Variants in ARHGEF33 observed in about 807,000 individuals in gnomAD.
The protein encoded by ARHGEF33 is Rho guanine nucleotide exchange factor 33.
Under a neutral mutation model 101.9 loss-of-function variants are expected in ARHGEF33, and 72 were observed. That is an observed-to-expected ratio of 0.71 (90% confidence interval 0.58 to 0.86). ARHGEF33 has a LOEUF of 0.86. Among genes scored for constraint, ARHGEF33 ranks in the 40% least tolerant of loss-of-function variants. The pLI, the probability that ARHGEF33 is intolerant of heterozygous loss-of-function variation, is 0.00. For missense variants in ARHGEF33, 1,169 were observed against 1,111.3 expected, an observed-to-expected ratio of 1.05 and a Z score of -0.74; for synonymous variants, 499 against 442.5, an observed-to-expected ratio of 1.13 and a Z score of -1.60.
intron 4 of ARHGEF33, among the ~76,000 whole-genome samples, chr2:38,922,172 T>A (rs549999366): frequency 6.6e-6 from 1 of 152,270 alleles, no homozygotes; most frequent in Admixed American, 6.5e-5. Flanking sequence ...ATTTGTAATA[T>A]AAAAGCAGCT....
intron 1 of ARHGEF33, among the ~76,000 whole-genome samples, chr2:38,894,427 A>AG (rs1022676753): frequency 1.3e-5 from 2 of 151,476 alleles, no homozygotes; most frequent in Non-Finnish European, 2.9e-5. Context: ...CTGGGGGAAA[A>AG]AAAAAAAGAA....
At chr2:38,932,945 G>A (rs560033736) in intron 7 of ARHGEF33, among the ~76,000 whole-genome samples, 5 of 152,290 alleles carry the variant, frequency 3.3e-5, no homozygotes, top group African/African-American at 4.8e-5. Flanking sequence ...AAGACATTCT[G>A]CACATACTTG....
At chr2:38,896,221 C>A (rs924090792) in intron 2 of ARHGEF33, among the ~76,000 whole-genome samples, 1 of 152,166 alleles carries the variant, frequency 6.6e-6, no homozygotes, top group Non-Finnish European at 1.5e-5. Flanking sequence ...TCACTGCAAC[C>A]TCTGCCTTCC....
intron 2 of ARHGEF33, among the ~76,000 whole-genome samples, chr2:38,918,077 G>A (rs183438648): frequency 6.6e-6 from 1 of 152,316 alleles, no homozygotes; most frequent in East Asian, 1.9e-4. Flanking sequence ...AGAGGAATTT[G>A]TTGAAAGGAG....
intron 11 of ARHGEF33, 118 bp downstream of exon 11, chr2:38,951,239 C>A: frequency 2.1e-6 from 2 of 943,242 alleles, no homozygotes; most frequent in Non-Finnish European, 3.1e-6. Context: ...CCACTGAGAT[C>A]TAGTCTAACT....
At chr2:38,947,529 G>A (rs1404965438) in intron 10 of ARHGEF33, among the ~76,000 whole-genome samples, 1 of 152,190 alleles carries the variant, frequency 6.6e-6, no homozygotes, top group Non-Finnish European at 1.5e-5. Context: ...TGGGATTACA[G>A]GCATGAGCCA....
chr2:38,958,157 G>T lies in ARHGEF33; in HGVS notation c.1494G>T (p.Leu498=). The T allele has an allele frequency of 1.3e-6, 2 of 1,551,840 alleles. No homozygotes were observed. The highest frequency in any genetic ancestry group is 1.7e-6 in the Non-Finnish European group (2 of 1,147,038). ...CTGGGATCCACTCAGAAGAGTTGCT[G>T]CAACCCTACCCTTCTGCTCCCAGTT... ...RDTGIHSEEL[L]QPYPSAPSSG... The change falls in exon 15 of 18, where the codon CTG becomes CTT. Residue 498 remains leucine (L), a synonymous_variant. Coordinates refer to ENST00000409978, the MANE Select transcript of ARHGEF33 (RefSeq NM_001145451.5).
At chr2:38,968,635 T>C (rs1033855731) in intron 17 of ARHGEF33, among the ~76,000 whole-genome samples, 2 of 152,262 alleles carry the variant, frequency 1.3e-5, no homozygotes, top group African/African-American at 2.4e-5. Context: ...CTTAGTCCTC[T>C]TGTCCTTTCT....
chr2:38,890,614 C>T (rs1009039273), intron 1 of ARHGEF33, among the ~76,000 whole-genome samples: 2 of 152,050 alleles, frequency 1.3e-5, no homozygotes, highest in African/African-American at 2.4e-5. Context: ...GTGAGAATAG[C>T]GTTCTATTAT....
intron 17 of ARHGEF33, among the ~76,000 whole-genome samples, chr2:38,970,893 A>T (rs1277204796): frequency 6.6e-6 from 1 of 152,124 alleles, no homozygotes; most frequent in Non-Finnish European, 1.5e-5. Flanking sequence ...GTCCTTTCTC[A>T]TATATCAGTC....
At chr2:38,918,706 T>G (rs142701356) in intron 2 of ARHGEF33, among the ~76,000 whole-genome samples, 6 of 152,204 alleles carry the variant, frequency 3.9e-5, no homozygotes, top group Non-Finnish European at 8.8e-5. Context: ...TAGAAACAGA[T>G]GTATTGGCCT....
At position 38,929,064 on chromosome 2, in the gene ARHGEF33, A is replaced by G; in HGVS notation, c.233A>G (p.Tyr78Cys). The change falls in exon 5 of 18, where the codon TAT (tyrosine) becomes TGT (cysteine). Residue 78 changes from tyrosine (Y) to cysteine (C), a missense_variant. By Grantham distance (194) the Tyr-to-Cys change is radical (BLOSUM62 -2). Coordinates refer to ENST00000409978, the MANE Select transcript of ARHGEF33 (RefSeq NM_001145451.5). ...KVTEMKNSLN[Y>C]FKEELSNAMS... ...ACTGAGATGAAGAATTCATTAAACT[A>G]TTTCAAGGTAGGCCTCTCTTTAATT... is the stretch of plus-strand genomic sequence containing the variant. The G allele has an allele frequency of 1.3e-6, 2 of 1,548,660 alleles. No homozygotes were observed. Among genetic ancestry groups the G allele is most frequent in the Non-Finnish European group, 1.7e-6 (2 of 1,145,704 alleles).
chr2:38,909,706 A>ATTT (rs71813216), intron 2 of ARHGEF33, among the ~76,000 whole-genome samples: 43 of 111,830 alleles, frequency 3.8e-4, no homozygotes, highest in African/African-American at 1.3e-3. Context: ...TTCAAGGATG[A>ATTT]TTTTTTTTTT....
intron 2 of ARHGEF33, among the ~76,000 whole-genome samples, chr2:38,908,633 C>G (rs1205765778): frequency 1.3e-5 from 2 of 152,188 alleles, no homozygotes; most frequent in African/African-American, 4.8e-5. Flanking sequence ...TATTTCACTT[C>G]TGAGCCTTCT....
At chr2:38,928,620 T>C (rs1666925262) in intron 4 of ARHGEF33, among the ~76,000 whole-genome samples, 1 of 152,210 alleles carries the variant, frequency 6.6e-6, no homozygotes, top group Non-Finnish European at 1.5e-5. Context: ...TAATCAAAGG[T>C]GTTAGAATAA....
chr2:38,894,237 C>T (rs930808125), intron 1 of ARHGEF33, among the ~76,000 whole-genome samples: 1 of 151,914 alleles, frequency 6.6e-6, no homozygotes, highest in African/African-American at 2.4e-5. Context: ...GAGGCTGAGG[C>T]AGGAGGATTG....
At chr2:38,920,685 G>A (rs1222636660) in intron 3 of ARHGEF33, among the ~76,000 whole-genome samples, 1 of 152,106 alleles carries the variant, frequency 6.6e-6, no homozygotes, top group Admixed American at 6.5e-5. Flanking sequence ...TGGGATTAGA[G>A]GTGTGAGCCA....
chr2:38,938,215 C>G (rs975476127), intron 9 of ARHGEF33, among the ~76,000 whole-genome samples: 8 of 151,992 alleles, frequency 5.3e-5, no homozygotes, highest in African/African-American at 1.7e-4. Context: ...AGGCTGGGTA[C>G]ACAGTCTTCC....
chr2:38,890,009 T>C (rs1665961263), intron 1 of ARHGEF33, 23 bp downstream of exon 1: 1 of 441,660 alleles, frequency 2.3e-6, no homozygotes, highest in Non-Finnish European at 4.7e-6. Flanking sequence ...TTTTATATGC[T>C]TTAAGGGGCA....
Sources: allele counts gnomAD v4.1 joint callset (sites outside exome capture counted in the v4.1 genomes callset), GRCh38; gene constraint gnomAD v4.1.1; transcripts MANE v1.5; gene names NCBI Gene and HGNC (gene_info 2026-07-23, HGNC 2026-07-21).